TNFRSF8: variants seen among roughly 807,000 people sequenced by gnomAD.
TNFRSF8 encodes the protein TNF receptor superfamily member 8, also known as tumor necrosis factor receptor superfamily member 8.
TNFRSF8 carries 26 observed loss-of-function variants against 70.8 expected under a neutral mutation model. The observed-to-expected ratio is 0.37, with a 90% CI of 0.27 to 0.51. The LOEUF is 0.51. Among genes scored for constraint, TNFRSF8 ranks in the 20% least tolerant of loss-of-function variants. TNFRSF8 has a pLI of 0.94. For synonymous variants in TNFRSF8, 356 were observed against 339.2 expected (o/e 1.05, Z -0.54); for missense variants, 720 against 807.9 (o/e 0.89, Z 1.32).
intron 1 of TNFRSF8, among the ~76,000 whole-genome samples, chr1:12,076,103 C>CT (rs146740361): frequency 0.022 from 2,081 of 96,334 alleles, 54 homozygotes; most frequent in Middle Eastern, 0.079. Context: ...TTTTCTTTTT[C>CT]TTTTTTTTTT....
At chr1:12,072,065 C>T (rs1208341248) in intron 1 of TNFRSF8, among the ~76,000 whole-genome samples, 2 of 152,174 alleles carry the variant, frequency 1.3e-5, no homozygotes, top group African/African-American at 4.8e-5. Context: ...GCTTCTGACA[C>T]TAGATGGTGA....
chr1:12,112,066 A>AC lies in TNFRSF8; in HGVS notation c.793+54dup. On this transcript the variant is annotated intron_variant, in intron 7 of 14. Transcript: ENST00000263932. This position sits in a 1 kb window ranked among gnomAD's most constrained non-coding sequence, Gnocchi z 5.3. ...TCAGTTTACCTCTCTGCATTTTTGAACCGTGAACTTCCAGTAACTACTCCC... is the reference window on the plus strand; with the variant it reads ...TCAGTTTACCTCTCTGCATTTTTGAACCCGTGAACTTCCAGTAACTACTCCC... The AC allele has an allele frequency of 7.2e-7, 1 of 1,394,292 alleles. No individual in the cohort carries two copies. The highest frequency in any genetic ancestry group is 1.0e-6 in the Non-Finnish European group (1 of 990,590). 86.4% of individuals were successfully genotyped at this position (1,394,292 alleles called of 1,614,324 possible). A position where few individuals can be genotyped will look rare whatever the true frequency, so the allele number is the denominator to read the frequency against.
rs990374072 is a variant in TNFRSF8, at chr1:12,141,067, G to C, written c.1544-1220G>C. ...CCTTCTCCTCTTGCTGCCGTTTGGC[G>C]CACTTCTCTCTTTCCTGGGGGTGTT... On this transcript the variant is annotated intron_variant, in intron 14 of 14. Coordinates refer to ENST00000263932, the MANE Select transcript of TNFRSF8 (RefSeq NM_001243.5). The surrounding 1 kb of genome is among the most constrained non-coding windows in gnomAD (Gnocchi z 5.4). Among the ~76,000 whole-genome samples the C allele has an allele frequency of 4.6e-5, 7 of 152,238 alleles. No individual in the cohort carries two copies.
intron 14 of TNFRSF8, among the ~76,000 whole-genome samples, chr1:12,139,289 C>T (rs900728767): frequency 1.6e-4 from 24 of 152,318 alleles, no homozygotes; most frequent in Admixed American, 9.2e-4. Context: ...TCTGACCCCA[C>T]AGTCTGTCCC....
At position 12,113,663 on chromosome 1, in the gene TNFRSF8, G is replaced by A. The variant is rs564167037; in HGVS notation, c.793+1649G>A. Among the ~76,000 whole-genome samples, 511 of 142,576 alleles carry A rather than the reference G, an allele frequency of 3.6e-3. 7 individuals carry two copies. Among genetic ancestry groups the A allele is most frequent in the African/African-American group, 0.013 (489 of 36,728 alleles). The allele number at this position is 142,576 out of a possible 152,430, so 93.5% of individuals were successfully genotyped here. A position where few individuals can be genotyped will look rare whatever the true frequency, so the allele number is the denominator to read the frequency against. ...AGAAAGAGAAAGAGACGGAGTGAGCGAGAGAGAGAGAGACAGAAAGACAGA... is the reference window on the plus strand; with the variant it reads ...AGAAAGAGAAAGAGACGGAGTGAGCAAGAGAGAGAGAGACAGAAAGACAGA... On this transcript the variant is annotated intron_variant, in intron 7 of 14. Coordinates refer to ENST00000263932, the MANE Select transcript of TNFRSF8 (RefSeq NM_001243.5). The surrounding 1 kb of genome is among the most constrained non-coding windows in gnomAD (Gnocchi z 4.9).
intron 12 of TNFRSF8, among the ~76,000 whole-genome samples, chr1:12,135,380 T>G (rs1642126841): frequency 6.6e-6 from 1 of 150,412 alleles, no homozygotes. Context: ...GTCCTCCATC[T>G]GCCACTGGAG....
intron 1 of TNFRSF8, among the ~76,000 whole-genome samples, chr1:12,065,111 C>T (rs149851483): frequency 0.022 from 2,426 of 112,072 alleles, 93 homozygotes; most frequent in African/African-American, 0.081. Flanking sequence ...GAGACTGAGT[C>T]TCACTCTTGT....
chr1:12,107,720 G>C (rs1430684581), intron 4 of TNFRSF8, among the ~76,000 whole-genome samples: 1 of 152,040 alleles, frequency 6.6e-6, no homozygotes, highest in African/African-American at 2.4e-5. Context: ...TAATCTCTGG[G>C]GTCCCCTGTG....
chr1:12,104,451 G>T lies in TNFRSF8; in HGVS notation c.341G>T (p.Cys114Phe). The stretch of plus-strand genomic sequence containing the variant: ...TGCGAATGTCGACCCGGCATGTTCT[G>T]TTCCACGTCTGCCGTCAACTCCTGT... ...RVCECRPGMF[C>F]STSAVNSCAR... The change falls in exon 4 of 15, where the codon TGT becomes TTT. Residue 114 changes from cysteine to phenylalanine, a missense_variant. Coordinates refer to ENST00000263932, the MANE Select transcript of TNFRSF8 (RefSeq NM_001243.5). 1 of 1,614,182 alleles carries T rather than the reference G, an allele frequency of 6.2e-7. No individual in the cohort carries two copies. The highest frequency in any genetic ancestry group is 8.5e-7 in the Non-Finnish European group (1 of 1,180,044).
chr1:12,129,323 C>A (rs1557603137), intron 12 of TNFRSF8, among the ~76,000 whole-genome samples: 1 of 152,100 alleles, frequency 6.6e-6, no homozygotes, highest in Non-Finnish European at 1.5e-5. Flanking sequence ...TGTCTCTCAC[C>A]CCGAAAACTT....
intron 1 of TNFRSF8, among the ~76,000 whole-genome samples, chr1:12,076,961 G>A (rs550245197): frequency 2.4e-4 from 36 of 152,104 alleles, no homozygotes; most frequent in Non-Finnish European, 4.7e-4. Flanking sequence ...TGTTAATTTG[G>A]GACAGGGTCT....
Position 12,072,734 on chromosome 1 carries a change from C to T in TNFRSF8, c.63+9073C>T, listed in dbSNP as rs571784114. Among the ~76,000 whole-genome samples, 22 of 152,318 alleles carry T rather than the reference C, an allele frequency of 1.4e-4. 1 individual carries two copies. In the South Asian group the frequency reaches 4.6e-3, roughly 32 times the overall value. On this transcript the variant is annotated intron_variant, in intron 1 of 14. Coordinates refer to ENST00000263932, the MANE Select transcript of TNFRSF8 (RefSeq NM_001243.5). ...GGATTGCTGCCTGCCAGGTACGGTT[C>T]CTGCTCTCAGAGAGTGCGTGCACAG...
intron 3 of TNFRSF8, among the ~76,000 whole-genome samples, chr1:12,102,323 G>T (rs768960773): frequency 1.3e-5 from 2 of 152,138 alleles, no homozygotes; most frequent in Non-Finnish European, 2.9e-5. Context: ...GAGTGATGAG[G>T]AGCTATCCAG....
intron 8 of TNFRSF8, among the ~76,000 whole-genome samples, chr1:12,118,113 C>A (rs552115089): frequency 3.9e-5 from 6 of 152,162 alleles, no homozygotes; most frequent in Non-Finnish European, 8.8e-5. Context: ...CCCTCCCCCC[C>A]CACCCTTTTC....
chr1:12,126,183 A>G lies in TNFRSF8; in HGVS notation c.1256A>G (p.Lys419Arg). ...AGCCTTCCTCCTGGTGTCGTTTCAG[A>G]GCTCCACCTGTGCTACCCGGTCCAG... ...RRACRKRIRQ[K>R]LHLCYPVQTS... The change falls in exon 12 of 15, where the codon AAG (lysine) becomes AGG (arginine). Residue 419 changes from lysine to arginine, a missense_variant and splice_region_variant. Transcript: ENST00000263932. 1.2e-6 allele frequency: 2 copies of G among 1,613,830 alleles called. No homozygotes were observed. Among genetic ancestry groups the G allele is most frequent in the Non-Finnish European group, 1.7e-6 (2 of 1,179,996 alleles).
At chr1:12,101,849 T>G (rs1440700710) in intron 3 of TNFRSF8, among the ~76,000 whole-genome samples, 2 of 152,120 alleles carry the variant, frequency 1.3e-5, no homozygotes, top group African/African-American at 4.8e-5. Context: ...TTTTTGTATT[T>G]TTTTTAGGAG....
At chr1:12,070,766 A>T (rs1174488829) in intron 1 of TNFRSF8, among the ~76,000 whole-genome samples, 2 of 152,174 alleles carry the variant, frequency 1.3e-5, no homozygotes, top group African/African-American at 4.8e-5. Context: ...GGGATGTGGG[A>T]AAAAACAAGC....
chr1:12,133,898 C>T lies in TNFRSF8; in HGVS notation c.1310-1690C>T, dbSNP rs190044245. Among the ~76,000 whole-genome samples the T allele has an allele frequency of 1.5e-3, 224 of 152,156 alleles. 4 individuals are homozygous for T. Among genetic ancestry groups the T allele is most frequent in the East Asian group, 8.9e-3 (46 of 5,182 alleles). On this transcript the variant is annotated intron_variant, in intron 12 of 14. Coordinates refer to ENST00000263932, the MANE Select transcript of TNFRSF8 (RefSeq NM_001243.5). ...TGAAACCTTGTTTCTACTAAAAATACAAAAATTAGCCGGGCGTGGTGGCAC... is the reference window on the plus strand; with the variant it reads ...TGAAACCTTGTTTCTACTAAAAATATAAAAATTAGCCGGGCGTGGTGGCAC...
At chr1:12,135,825 G>A (rs759843178) in intron 13 of TNFRSF8, among the ~76,000 whole-genome samples, 6 of 152,094 alleles carry the variant, frequency 3.9e-5, no homozygotes, top group East Asian at 1.9e-4. Flanking sequence ...CAGAGGCCTC[G>A]CCTGGGGCCT....
Sources: allele counts gnomAD v4.1 joint callset (sites outside exome capture counted in the v4.1 genomes callset), GRCh38; gene constraint gnomAD v4.1.1; non-coding constraint Gnocchi (gnomAD v3.1); transcripts MANE v1.5; gene names NCBI Gene and HGNC (gene_info 2026-07-23, HGNC 2026-07-21).